The following PLEKHA5 variants were observed in gnomAD, a reference collection of about 807,000 sequenced individuals.
PLEKHA5 encodes pleckstrin homology domain-containing family A member 5.
PLEKHA5 carries 55 observed loss-of-function variants against 181.9 expected under a neutral mutation model. The ratio of observed to expected loss-of-function variants is 0.30; its 90% CI spans 0.24 to 0.38. PLEKHA5 has a LOEUF of 0.38. Among genes scored for constraint, PLEKHA5 ranks in the 10% least tolerant of loss-of-function variants. The pLI, the probability that PLEKHA5 is intolerant of heterozygous loss-of-function variation, is 1.00. For missense variants in PLEKHA5, 1,432 were observed against 1,549.5 expected (o/e 0.92, Z 1.27); for synonymous variants, 535 against 529.4 (o/e 1.01, Z -0.15).
chr12:19,230,843 A>G (rs2152380338), intron 3 of PLEKHA5, among the ~76,000 whole-genome samples: 1 of 152,306 alleles, frequency 6.6e-6, no homozygotes, highest in South Asian at 2.1e-4. Flanking sequence ...AGGCACGGCC[A>G]GAGTGGGCGC....
At chr12:19,265,173 A>G (rs771665219) in intron 7 of PLEKHA5, among the ~76,000 whole-genome samples, 1 of 152,224 alleles carries the variant, frequency 6.6e-6, no homozygotes, top group Non-Finnish European at 1.5e-5. Flanking sequence ...CATTTATTCA[A>G]CAAATTCTTT....
At chr12:19,307,008 TCCTACTCTTGTTCCTGC>T in intron 15 of PLEKHA5, 1 of 1,495,872 alleles carries the variant, frequency 6.7e-7, no homozygotes, top group South Asian at 1.1e-5. Context: ...CTTTGGGGGC[TCCTACTCTTGTTCCTGC>T]CCTTGCTGCG....
intron 3 of PLEKHA5, among the ~76,000 whole-genome samples, chr12:19,211,177 T>G (rs1056664069): frequency 6.6e-6 from 1 of 152,180 alleles, no homozygotes; most frequent in Non-Finnish European, 1.5e-5. Flanking sequence ...CCCTACACTT[T>G]GTTCTTTGGT....
chr12:19,150,524 A>G (rs2040130282), intron 3 of PLEKHA5: 2 of 152,228 alleles, frequency 1.3e-5, no homozygotes, highest in African/African-American at 2.4e-5. Context: ...GCCTTGTGAT[A>G]TGAGCCTCAC....
At chr12:19,271,796 G>A (rs560597168) in intron 10 of PLEKHA5, among the ~76,000 whole-genome samples, 15 of 152,210 alleles carry the variant, frequency 9.9e-5, no homozygotes, top group Admixed American at 2.6e-4. Context: ...GTTTTCAGCC[G>A]TCTTTGTTAG....
intron 3 of PLEKHA5, among the ~76,000 whole-genome samples, chr12:19,224,581 T>G (rs946623190): frequency 2.6e-5 from 4 of 151,622 alleles, no homozygotes; most frequent in African/African-American, 9.7e-5. Context: ...TTGCATAAAA[T>G]AAGTTTAAAT....
chr12:19,370,252 T>G (rs957397149), intron 31 of PLEKHA5, among the ~76,000 whole-genome samples: 1 of 152,238 alleles, frequency 6.6e-6, no homozygotes. Context: ...GCCAACTTGA[T>G]GGAATATTAA....
intron 3 of PLEKHA5, among the ~76,000 whole-genome samples, chr12:19,213,946 C>CT (rs1565474409): frequency 6.6e-6 from 1 of 151,964 alleles, no homozygotes. Flanking sequence ...GGATATAGGG[C>CT]TGTACACAAC....
At chr12:19,284,482 A>G (rs1447350544) in intron 12 of PLEKHA5, among the ~76,000 whole-genome samples, 3 of 152,198 alleles carry the variant, frequency 2.0e-5, no homozygotes, top group Non-Finnish European at 4.4e-5. Context: ...TGAGGATAAA[A>G]GTGTTAACTT....
Position 19,287,555 on chromosome 12 carries a change from C to T in PLEKHA5, c.1862C>T (p.Thr621Met), listed in dbSNP as rs763972194. 7 of 1,540,620 alleles carry T rather than the reference C, an allele frequency of 4.5e-6. No homozygotes were observed. The highest frequency in any genetic ancestry group is 1.1e-5 in the South Asian group (1 of 88,542). ...AGTCCCCAGAGCCTCCAAGGGAAAA[C>T]GGTGAGTAATATCTTTATTTACCAT... ...SVSPQSLQGK[T>M]PEELTLLLIK... The change falls in exon 13 of 32, where the codon ACG becomes ATG. Residue 621 changes from threonine to methionine, a missense_variant and splice_region_variant. By Grantham distance (81) the Thr-to-Met change is moderately conservative. Around this residue, in one of 2 missense-constraint regions of PLEKHA5, gnomAD observed 1,143 missense variants for 1,168.4 expected, o/e 0.98. Transcript: ENST00000429027.
At chr12:19,372,488 C>T (rs2095608880) in intron 31 of PLEKHA5, 1 of 150,860 alleles carries the variant, frequency 6.6e-6, no homozygotes, top group Admixed American at 6.6e-5. Flanking sequence ...CAAATATTTC[C>T]TCCCATCCTG....
chr12:19,251,095 G>C (rs757636395), intron 3 of PLEKHA5, among the ~76,000 whole-genome samples: 53 of 152,048 alleles, frequency 3.5e-4, no homozygotes, highest in Non-Finnish European at 6.8e-4. Context: ...CTGGGAGGAA[G>C]GTTATCTGAA....
intron 3 of PLEKHA5, among the ~76,000 whole-genome samples, chr12:19,246,475 TA>T (rs1565513368): frequency 1.3e-5 from 2 of 151,414 alleles, no homozygotes; most frequent in Non-Finnish European, 2.9e-5. Flanking sequence ...ATACAAAAAT[TA>T]GCCAGGCATG....
Position 19,170,934 on chromosome 12 carries a change from G to C in PLEKHA5, c.227+38484G>C, listed in dbSNP as rs147458631. On this transcript the variant is annotated intron_variant, in intron 3 of 31. Coordinates refer to ENST00000429027, the MANE Select transcript of PLEKHA5 (RefSeq NM_001256470.2). ...TGTAAAACTCTTGTTTATAGTTGTA[G>C]TCTGTTACCATTGTGTCTTTTGGTG... Among the ~76,000 whole-genome samples the C allele has an allele frequency of 2.7e-4, 41 of 152,298 alleles. No individual in the cohort carries two copies. The East Asian group carries it at 7.1e-3, about 27-fold the overall frequency.
At position 19,291,713 on chromosome 12, in the gene PLEKHA5, A is replaced by G; in HGVS notation, c.2037+16A>G. On this transcript the variant is annotated intron_variant, in intron 15 of 31. Coordinates refer to ENST00000429027, the MANE Select transcript of PLEKHA5 (RefSeq NM_001256470.2). Reference sequence around the variant, plus strand: ...GGATCATCAGGTGGGATTCATAGAGATTTTCTTACTTTTAATACTTAATAG... The same window carrying G: ...GGATCATCAGGTGGGATTCATAGAGGTTTTCTTACTTTTAATACTTAATAG... 7.1e-7 allele frequency: 1 copy of G among 1,407,414 alleles called. No homozygotes were observed. The allele number at this position is 1,407,414 out of a possible 1,614,324, so 87.2% of individuals were successfully genotyped here. A position where few individuals can be genotyped will look rare whatever the true frequency, so the allele number is the denominator to read the frequency against.
At chr12:19,268,744 A>G (rs1991587) in intron 8 of PLEKHA5, among the ~76,000 whole-genome samples, 130,469 of 152,140 alleles carry the variant, frequency 0.86, 57,557 homozygotes, top group Middle Eastern at 0.97. Context: ...CTTGATACCA[A>G]CCCAGTGTTC....
intron 3 of PLEKHA5, among the ~76,000 whole-genome samples, chr12:19,227,410 A>C (rs1310664340): frequency 7.9e-5 from 12 of 152,122 alleles, no homozygotes; most frequent in Non-Finnish European, 2.9e-5. Context: ...GTTTAAGCTG[A>C]AGAGCTTCTG....
intron 3 of PLEKHA5, among the ~76,000 whole-genome samples, chr12:19,136,004 C>T (rs572145224): frequency 1.1e-4 from 16 of 151,258 alleles, no homozygotes; most frequent in South Asian, 2.1e-4. Flanking sequence ...CTCAGCCTTA[C>T]GAGTAGCTGG....
At chr12:19,178,443 C>T (rs2047810859) in intron 3 of PLEKHA5, among the ~76,000 whole-genome samples, 1 of 152,204 alleles carries the variant, frequency 6.6e-6, no homozygotes, top group Non-Finnish European at 1.5e-5. Context: ...ACAGGTGCAG[C>T]ATTGCAGCTA....
Sources: allele counts gnomAD v4.1 joint callset (sites outside exome capture counted in the v4.1 genomes callset), GRCh38; gene constraint gnomAD v4.1.1; regional missense constraint gnomAD v4.1.1; transcripts MANE v1.5; gene names NCBI Gene and HGNC (gene_info 2026-07-23, HGNC 2026-07-21).